The following NHSL2 variants were observed in gnomAD, a reference collection of about 807,000 sequenced individuals.
NHSL2 encodes NHS like 2, also known as NHS-like protein 2.
In NHSL2, 27 loss-of-function variants were observed where a neutral mutation model predicts 53.4. That is an observed-to-expected ratio of 0.51 (90% CI 0.37 to 0.70). NHSL2 has a LOEUF of 0.70. NHSL2 is among the 30% of genes least tolerant of loss of function. The pLI is 0.00. For synonymous variants in NHSL2, 408 were observed against 404.1 expected (o/e 1.01, Z -0.12); for missense variants, 892 against 980.1 (o/e 0.91, Z 1.20).
At chrX:71,954,412 G>T (rs918700715) in intron 1 of NHSL2, among the ~76,000 whole-genome samples, 2 of 112,408 alleles carry the variant, frequency 1.8e-5, no homozygotes, top group African/African-American at 3.2e-5. Flanking sequence ...TCTGCCTGGC[G>T]TGTGCTGCTG....
chrX:72,115,494 A>G (rs1042334467), intron 1 of NHSL2, among the ~76,000 whole-genome samples: 19 of 108,082 alleles, frequency 1.8e-4, no homozygotes, highest in South Asian at 8.5e-4. Flanking sequence ...TCCTGAGTTA[A>G]TCTTATTAAC....
rs2042448009 is a variant in NHSL2, at chrX:72,144,596, T to C, written c.*1022T>C. ...AGATCGTGGTTTGTGGTTGGTTTGG[T>C]TTTGTTTAAAGGAAGTCCGACTCTG... is the stretch of plus-strand genomic sequence containing the variant. On this transcript the variant is annotated 3_prime_UTR_variant, in exon 8 of 8. Coordinates refer to ENST00000633930, the MANE Select transcript of NHSL2 (RefSeq NM_001013627.3). The C allele has an allele frequency of 1.0e-6, 1 of 982,373 alleles. No individual in the cohort carries two copies. Among genetic ancestry groups the C allele is most frequent in the East Asian group, 6.2e-5 (1 of 16,238 alleles). 81.0% of individuals were successfully genotyped at this position (982,373 alleles called of 1,213,427 possible).
intron 1 of NHSL2, among the ~76,000 whole-genome samples, chrX:71,963,793 C>T (rs1395247597): frequency 9.7e-6 from 1 of 103,152 alleles, no homozygotes; most frequent in African/African-American, 3.5e-5. Flanking sequence ...CATGGTTGCA[C>T]ACTCCTATAG....
chrX:71,957,749 A>G (rs974099449), intron 1 of NHSL2, among the ~76,000 whole-genome samples: 2 of 110,895 alleles, frequency 1.8e-5, no homozygotes, highest in Non-Finnish European at 3.8e-5. Flanking sequence ...CTCAGGAAGT[A>G]CCCAGAGTAG....
At chrX:71,946,815 C>T (rs2041794933) in intron 1 of NHSL2, among the ~76,000 whole-genome samples, 2 of 112,291 alleles carry the variant, frequency 1.8e-5, no homozygotes, top group African/African-American at 3.2e-5. Context: ...ACTCCTACCA[C>T]TTGCTGGCTA....
intron 1 of NHSL2, chrX:72,129,942 G>A (rs1383606726): frequency 8.3e-7 from 1 of 1,211,483 alleles, no homozygotes; most frequent in Admixed American, 2.2e-5. Flanking sequence ...GACCTGTGCG[G>A]CGAATCAGTT....
At chrX:72,005,213 C>T (rs750847299) in intron 1 of NHSL2, among the ~76,000 whole-genome samples, 74 of 112,390 alleles carry the variant, frequency 6.6e-4, no homozygotes, top group Non-Finnish European at 1.2e-3. Context: ...GGGGTCCTCC[C>T]GCCTTGGTTT....
intron 1 of NHSL2, among the ~76,000 whole-genome samples, chrX:71,965,385 G>T (rs1486776386): frequency 8.9e-6 from 1 of 112,370 alleles, no homozygotes; most frequent in Non-Finnish European, 1.9e-5. Context: ...TTGCTCCATT[G>T]TTTTACCTTT....
chrX:72,103,696 T>C (rs1484189846), intron 1 of NHSL2, among the ~76,000 whole-genome samples: 4 of 112,162 alleles, frequency 3.6e-5, no homozygotes, highest in Admixed American at 9.4e-5. Flanking sequence ...TGGGTAATCT[T>C]GGTTGGGCCA....
chrX:71,946,042 A>G (rs754816828), intron 1 of NHSL2, among the ~76,000 whole-genome samples: 30 of 112,348 alleles, frequency 2.7e-4, no homozygotes, highest in Non-Finnish European at 4.3e-4. Flanking sequence ...GCGGCTGTGA[A>G]TAAGATCGGC....
rs2042446289 is a variant in NHSL2, at chrX:72,144,489, A to G, written c.*915A>G. The stretch of plus-strand genomic sequence containing the variant: ...TTTGCATATAAAATTCATTACAGGA[A>G]GTAATTAACTGAAGGAACAGCATCA... On this transcript the variant is annotated 3_prime_UTR_variant, in exon 8 of 8. Coordinates refer to ENST00000633930, the MANE Select transcript of NHSL2 (RefSeq NM_001013627.3). The G allele has an allele frequency of 1.0e-6, 1 of 1,001,203 alleles. No individual in the cohort carries two copies. The highest frequency in any genetic ancestry group is 1.3e-6 in the Non-Finnish European group (1 of 755,172). The allele number at this position is 1,001,203 out of a possible 1,213,427, so 82.5% of individuals were successfully genotyped here. A position where few individuals can be genotyped will look rare whatever the true frequency, so the allele number is the denominator to read the frequency against.
chrX:72,049,773 C>G (rs910557573), intron 1 of NHSL2, among the ~76,000 whole-genome samples: 9 of 106,155 alleles, frequency 8.5e-5, no homozygotes, highest in African/African-American at 3.1e-4. Flanking sequence ...CACCTGAAAT[C>G]TGGTCACTTA....
chrX:71,942,972 C>CTCTGTGTGTGTGTG (rs1220648470), intron 1 of NHSL2, among the ~76,000 whole-genome samples: 50 of 74,031 alleles, frequency 6.8e-4, no homozygotes, highest in South Asian at 2.8e-3. Context: ...CTCTCTCTCT[C>CTCTGTGTGTGTGTG]TGTGTGTGTG....
intron 1 of NHSL2, among the ~76,000 whole-genome samples, chrX:72,053,498 G>A (rs182007996): frequency 1.2e-4 from 13 of 111,838 alleles, no homozygotes; most frequent in African/African-American, 4.2e-4. Flanking sequence ...CTATATATGA[G>A]AGAAAAGTAT....
chrX:72,086,305 C>T (rs1326834240), intron 1 of NHSL2, among the ~76,000 whole-genome samples: 1 of 108,929 alleles, frequency 9.2e-6, no homozygotes. Flanking sequence ...CAAGGGGGCC[C>T]TCATTTCTCA....
intron 1 of NHSL2, among the ~76,000 whole-genome samples, chrX:72,106,380 A>G (rs1370784820): frequency 8.9e-6 from 1 of 112,074 alleles, no homozygotes; most frequent in Non-Finnish European, 1.9e-5. Flanking sequence ...CGAATTTTCC[A>G]CACTCAGAAG....
chrX:72,119,336 T>C (rs1361911328), intron 1 of NHSL2, among the ~76,000 whole-genome samples: 1 of 112,012 alleles, frequency 8.9e-6, no homozygotes, highest in Non-Finnish European at 1.9e-5. Flanking sequence ...GGGATTGCAT[T>C]GAATCTGTAG....
chrX:72,056,552 GCA>G (rs60731699), intron 1 of NHSL2, among the ~76,000 whole-genome samples: 3,073 of 103,829 alleles, frequency 0.03, 90 homozygotes, highest in African/African-American at 0.091. Context: ...TAACGTCTGC[GCA>G]CACACACACA....
At chrX:72,109,363 C>A (rs1423025880) in intron 1 of NHSL2, among the ~76,000 whole-genome samples, 1 of 112,206 alleles carries the variant, frequency 8.9e-6, no homozygotes, top group Non-Finnish European at 1.9e-5. Context: ...CCCAAGGTCA[C>A]AGGGCTTAGG....
Sources: gnomAD v4.1 joint callset for allele counts (sites outside exome capture counted in the v4.1 genomes callset) on GRCh38, gnomAD v4.1.1 for gene constraint, MANE v1.5 for transcripts, NCBI Gene and HGNC (gene_info 2026-07-23, HGNC 2026-07-21) for gene names.